The following CSMD1 variants were observed in gnomAD, a reference collection of about 807,000 sequenced individuals.
The protein encoded by CSMD1 is CUB and sushi domain-containing protein 1.
Under a neutral mutation model 417.5 loss-of-function variants are expected in CSMD1, and 213 were observed. The observed-to-expected ratio is 0.51, with a 90% CI of 0.46 to 0.57. The LOEUF is 0.57. CSMD1 is among the 20% of genes least tolerant of loss of function. CSMD1 has a pLI of 0.00. For synonymous variants in CSMD1, 2,862 were observed against 1,736.8 expected (o/e 1.65, Z -16.11); for missense variants, 6,923 against 4,529.7 (o/e 1.53, Z -15.17).
intron 12 of CSMD1, among the ~76,000 whole-genome samples, chr8:3,442,339 G>A (rs1300868564): frequency 6.6e-6 from 1 of 152,044 alleles, no homozygotes; most frequent in Non-Finnish European, 1.5e-5. Context: ...AATGTCCTAG[G>A]CCTTCAATTT....
chr8:4,543,824 T>C (rs959128175), intron 2 of CSMD1, among the ~76,000 whole-genome samples: 3 of 152,110 alleles, frequency 2.0e-5, no homozygotes, highest in African/African-American at 7.2e-5. Context: ...TTTTAACCAT[T>C]CTACTAGGAA....
At chr8:4,692,557 C>T (rs1425736948) in intron 1 of CSMD1, among the ~76,000 whole-genome samples, 1 of 152,088 alleles carries the variant, frequency 6.6e-6, no homozygotes, top group Non-Finnish European at 1.5e-5. Flanking sequence ...ATGAAGAGGG[C>T]CGGGAAGACT....
intron 7 of CSMD1, among the ~76,000 whole-genome samples, chr8:3,666,547 T>C (rs1033953674): frequency 2.6e-5 from 4 of 152,118 alleles, no homozygotes; most frequent in Admixed American, 6.5e-5. Context: ...CTGCCTGATA[T>C]GGTTTGGCTG....
At chr8:4,065,743 A>C (rs13271189) in intron 3 of CSMD1, among the ~76,000 whole-genome samples, 3,425 of 152,336 alleles carry the variant, frequency 0.022, 59 homozygotes, top group Non-Finnish European at 0.036. Context: ...TCTATCACCA[A>C]ACACATAAAT....
chr8:4,719,164 T>G (rs1375819009), intron 1 of CSMD1, among the ~76,000 whole-genome samples: 2 of 151,914 alleles, frequency 1.3e-5, no homozygotes, highest in African/African-American at 4.8e-5. Flanking sequence ...GAAAGGCAGG[T>G]GAAAAAAAGA....
intron 2 of CSMD1, among the ~76,000 whole-genome samples, chr8:4,577,152 T>C (rs1174069108): frequency 6.6e-6 from 1 of 152,198 alleles, no homozygotes; most frequent in Non-Finnish European, 1.5e-5. Context: ...CCTTGGGTTT[T>C]TTTTGCACTG....
At chr8:4,209,880 G>A (rs1472133486) in intron 3 of CSMD1, among the ~76,000 whole-genome samples, 1 of 152,182 alleles carries the variant, frequency 6.6e-6, no homozygotes, top group Admixed American at 6.5e-5. Flanking sequence ...AATGTAGGTG[G>A]TAACTTCTGT....
chr8:3,313,167 T>C (rs1014711513), intron 23 of CSMD1, among the ~76,000 whole-genome samples: 5 of 152,160 alleles, frequency 3.3e-5, no homozygotes, highest in Admixed American at 1.3e-4. Context: ...ATAAAAACTC[T>C]AGAAGAAAAC....
chr8:4,490,922 G>C (rs1337964346), intron 2 of CSMD1, among the ~76,000 whole-genome samples: 1 of 152,172 alleles, frequency 6.6e-6, no homozygotes, highest in African/African-American at 2.4e-5. Context: ...CTTATCACAG[G>C]AGTGGATAAG....
At chr8:3,515,074 TAC>T (rs1377282173) in intron 10 of CSMD1, among the ~76,000 whole-genome samples, 1 of 152,182 alleles carries the variant, frequency 6.6e-6, no homozygotes, top group Admixed American at 6.5e-5. Flanking sequence ...AAAATAATAA[TAC>T]AGTTAATGAA....
chr8:4,752,612 G>C (rs1344451802), intron 1 of CSMD1, among the ~76,000 whole-genome samples: 1 of 152,138 alleles, frequency 6.6e-6, no homozygotes, highest in East Asian at 1.9e-4. Flanking sequence ...GAAAAATGTA[G>C]GGGAGCAAGA....
At chr8:3,740,004 T>A (rs1453285639) in intron 6 of CSMD1, among the ~76,000 whole-genome samples, 3 of 152,214 alleles carry the variant, frequency 2.0e-5, no homozygotes, top group Non-Finnish European at 4.4e-5. Flanking sequence ...CTTGGTCTCT[T>A]CTGGGAGTCA....
chr8:4,059,449 G>C (rs1430653708), intron 3 of CSMD1, among the ~76,000 whole-genome samples: 2 of 152,126 alleles, frequency 1.3e-5, no homozygotes, highest in African/African-American at 2.4e-5. Context: ...AATCAGAGCA[G>C]AACTGAAGGA....
intron 1 of CSMD1, among the ~76,000 whole-genome samples, chr8:4,872,805 G>C (rs767673993): frequency 6.6e-6 from 1 of 152,078 alleles, no homozygotes; most frequent in Non-Finnish European, 1.5e-5. Flanking sequence ...AACCTTCTGT[G>C]TTACTGTTTT....
At chr8:3,677,135 A>G (rs1799417107) in intron 7 of CSMD1, among the ~76,000 whole-genome samples, 1 of 152,138 alleles carries the variant, frequency 6.6e-6, no homozygotes, top group Non-Finnish European at 1.5e-5. Flanking sequence ...AAGCCTGCAC[A>G]TTCTGCACAT....
chr8:3,937,005 T>A (rs572226799), intron 5 of CSMD1, among the ~76,000 whole-genome samples: 1 of 152,254 alleles, frequency 6.6e-6, no homozygotes, highest in South Asian at 2.1e-4. Flanking sequence ...ATGACTTTGT[T>A]GGGTTAAAGG....
At chr8:3,670,395 C>G (rs35748920) in intron 7 of CSMD1, among the ~76,000 whole-genome samples, 98,797 of 150,838 alleles carry the variant, frequency 0.65, 32,750 homozygotes, top group African/African-American at 0.75. Flanking sequence ...GGCCTATTGT[C>G]GGACCTTGTG....
Position 3,616,765 on chromosome 8 carries a change from T to A in CSMD1, c.1042A>T (p.Met348Leu). 6.2e-7 allele frequency: 1 copy of A among 1,612,528 alleles called. No individual in the cohort carries two copies. Among genetic ancestry groups the A allele is most frequent in the Non-Finnish European group, 8.5e-7 (1 of 1,179,168 alleles). The change falls in exon 8 of 70, where the codon ATG becomes TTG. Residue 348 changes from methionine (M) to leucine (L), a missense_variant. Physicochemically the swap from Met to Leu is conservative, Grantham distance 15. Coordinates refer to ENST00000635120, the MANE Select transcript of CSMD1 (RefSeq NM_033225.6). ...TCTGGAATCCCAGGATCTGGACACA[T>A]GTCAGAGACCAATGCAACACCTCCT... ...SQGGVALVSD[M>L]CPDPGIPENG... is the part of the protein sequence containing the mutation.
intron 2 of CSMD1, among the ~76,000 whole-genome samples, chr8:4,505,249 T>C (rs900350798): frequency 6.6e-6 from 1 of 152,054 alleles, no homozygotes; most frequent in Non-Finnish European, 1.5e-5. Flanking sequence ...CCTTACTTTA[T>C]GAAAAAATAA....
Sources: allele counts gnomAD v4.1 joint callset (sites outside exome capture counted in the v4.1 genomes callset), GRCh38; gene constraint gnomAD v4.1.1; transcripts MANE v1.5; gene names NCBI Gene and HGNC (gene_info 2026-07-23, HGNC 2026-07-21).